The following IQCN variants were observed in gnomAD, a reference collection of about 807,000 sequenced individuals.
IQCN encodes the protein IQ domain-containing protein N.
Under a neutral mutation model 64.4 loss-of-function variants are expected in IQCN, and 46 were observed. The observed-to-expected ratio is 0.71, with a 90% confidence interval of 0.56 to 0.91. The LOEUF (loss-of-function observed/expected upper bound fraction) is 0.91. Among genes scored for constraint, IQCN ranks in the 40% least tolerant of loss-of-function variants. IQCN has a pLI of 0.00. For synonymous variants in IQCN, 733 were observed against 775.6 expected (o/e 0.95, Z 0.91); for missense variants, 1,753 against 1,857.4 (o/e 0.94, Z 1.03).
At chr19:18,270,964 G>A (rs1276933258) in intron 1 of IQCN, among the ~76,000 whole-genome samples, 1 of 151,898 alleles carries the variant, frequency 6.6e-6, no homozygotes. Context: ...ACAAGGTCAG[G>A]AGTTCGAGAA....
chr19:18,269,415 T>C (rs1176963248), intron 2 of IQCN, 51 bp downstream of exon 2: 1 of 1,596,568 alleles, frequency 6.3e-7, no homozygotes, highest in Admixed American at 1.7e-5. Flanking sequence ...CAGAAGCCCC[T>C]CTCTTCAGGT....
Position 18,257,962 on chromosome 19 carries a change from C to T in IQCN, c.3322G>A (p.Ala1108Thr), listed in dbSNP as rs1468534146. Reference sequence around the variant, plus strand: ...GCGAGGATGCGGATCTCCTCTGCAGCCTGCATGGACACCATTGGCTCCCCG... The same window carrying T: ...GCGAGGATGCGGATCTCCTCTGCAGTCTGCATGGACACCATTGGCTCCCCG... ...RSGEPMVSMQ[A>T]AEEIRILAVI... Residue 1108 changes from alanine (A) to threonine (T), a missense_variant, in exon 4 of 4, where the codon GCT becomes ACT. By Grantham distance (58) the Ala-to-Thr change is moderately conservative. Coordinates refer to ENST00000392413, the MANE Select transcript of IQCN (RefSeq NM_001145304.2). The T allele has an allele frequency of 1.8e-5, 29 of 1,612,902 alleles. No individual in the cohort carries two copies. The highest frequency in any genetic ancestry group is 2.3e-5 in the Non-Finnish European group (27 of 1,179,936).
At position 18,266,884 on chromosome 19, in the gene IQCN, G is replaced by A; in HGVS notation, c.656C>T (p.Thr219Ile). Reference protein sequence around the residue: ...PLLQPPAAQGTPEPCVQGPHA... With the variant: ...PLLQPPAAQGIPEPCVQGPHA... ...AGGACCCTGCACACAGGGCTCTGGG[G>A]TACCCTGAGCTGCTGGGGGCTGCAG... Residue 219 changes from threonine (T) to isoleucine (I), a missense_variant, in exon 3 of 4, where the codon ACC becomes ATC. Thr to Ile is a moderately conservative substitution (Grantham distance 89). Transcript: ENST00000392413. This position sits in a 1 kb window ranked among gnomAD's most constrained non-coding sequence, Gnocchi z 4.3. 1.2e-6 allele frequency: 2 copies of A among 1,610,702 alleles called. No individual in the cohort carries two copies. Among genetic ancestry groups the A allele is most frequent in the South Asian group, 1.1e-5 (1 of 90,800 alleles).
rs376741227 is a variant in IQCN at position 18,269,401 on chromosome 19, T to C, written c.13+65A>G. The C allele has an allele frequency of 5.8e-6, 9 of 1,546,102 alleles. No individual in the cohort carries two copies. In the African/African-American group the frequency reaches 1.1e-4, roughly 19 times the overall value. On this transcript the variant is annotated intron_variant, in intron 2 of 3. Transcript: ENST00000392413. ...ATAGCCTGGAGCACAGCACACTTGTTTGGCAGAAGCCCCTCTCTTCAGGTT... is the reference window on the plus strand; with the variant it reads ...ATAGCCTGGAGCACAGCACACTTGTCTGGCAGAAGCCCCTCTCTTCAGGTT...
rs1969343004 is a variant in IQCN, at chr19:18,257,908, C to A, written c.3376G>T (p.Gly1126Cys). The change falls in exon 4 of 4, where the codon GGC becomes TGC. Residue 1126 changes from glycine (G) to cysteine (C), a missense_variant. Physicochemically the swap from Gly to Cys is radical, Grantham distance 159. Coordinates refer to ENST00000392413, the MANE Select transcript of IQCN (RefSeq NM_001145304.2). The stretch of plus-strand genomic sequence containing the variant: ...CGGATCCTGCGACGCGCCAGGTAGC[C>A]ACGGACGCCCGCCTGGATAGTGATC... ...AVITIQAGVR[G>C]YLARRRIRLW... The A allele has an allele frequency of 6.2e-7, 1 of 1,612,674 alleles. No individual in the cohort carries two copies. The highest frequency in any genetic ancestry group is 1.1e-5 in the South Asian group (1 of 91,082).
chr19:18,258,455 A>C, intron 3 of IQCN: 2 of 540,704 alleles, frequency 3.7e-6, no homozygotes, highest in Non-Finnish European at 7.1e-6. Context: ...CAATCCTACC[A>C]TGCACGGATC....
intron 1 of IQCN, among the ~76,000 whole-genome samples, 158 bp downstream of exon 1, chr19:18,274,245 C>T (rs922961382): frequency 2.0e-5 from 3 of 152,060 alleles, no homozygotes; most frequent in Admixed American, 1.3e-4. Context: ...TGCAGTCACC[C>T]AGAAGGCCCA....
At position 18,264,372 on chromosome 19, in the gene IQCN, C is replaced by A; in HGVS notation, c.3168G>T (p.Gln1056His). The A allele has an allele frequency of 6.7e-7, 1 of 1,487,430 alleles. No homozygotes were observed. The highest frequency in any genetic ancestry group is 8.9e-7 in the Non-Finnish European group (1 of 1,117,330). The allele number at this position is 1,487,430 out of a possible 1,614,324, so 92.1% of individuals were successfully genotyped here. Residue 1056 changes from glutamine (Q) to histidine (H), a missense_variant, in exon 3 of 4, where the codon CAG (glutamine) becomes CAT (histidine). Coordinates refer to ENST00000392413, the MANE Select transcript of IQCN (RefSeq NM_001145304.2). This position sits in a 1 kb window ranked among gnomAD's most constrained non-coding sequence, Gnocchi z 4.3. The stretch of plus-strand genomic sequence containing the variant: ...CCTGGGAATCCCTGACCTTGCTGGT[C>A]TGTGGTCTCACGGGGCCCAGGGAGG... ...WGPSLGPVRP[Q>H]TSKGPADAGV...
chr19:18,267,719 G>A (rs899650079), intron 2 of IQCN, 193 bp from the exon 3 acceptor site: 35 of 529,276 alleles, frequency 6.6e-5, no homozygotes, highest in Non-Finnish European at 9.7e-5. Flanking sequence ...ATCACCCTAC[G>A]GCCACTTCAT....
In IQCN at chr19:18,264,522, C is replaced by A; in HGVS notation, c.3018G>T (p.Arg1006=). The part of the protein sequence containing the change: ...LGALLSQSWC[R]VALRTGTILP... ...GGATGGTTCCAGTCCTCAGGGCCAC[C>A]CGACACCAAGACTGGCTCAGGAGAG... is the stretch of plus-strand genomic sequence containing the variant. The change falls in exon 3 of 4, where the codon CGG becomes CGT. Residue 1006 remains arginine, a synonymous_variant. Coordinates refer to ENST00000392413, the MANE Select transcript of IQCN (RefSeq NM_001145304.2). This position sits in a 1 kb window ranked among gnomAD's most constrained non-coding sequence, Gnocchi z 4.3. The A allele has an allele frequency of 6.4e-7, 1 of 1,551,434 alleles. No homozygotes were observed. Among genetic ancestry groups the A allele is most frequent in the Non-Finnish European group, 8.7e-7 (1 of 1,146,952 alleles).
Position 18,257,608 on chromosome 19 carries a change from C to T in IQCN, c.3676G>A (p.Ala1226Thr), listed in dbSNP as rs1969326213. 1 of 1,612,810 alleles carries T rather than the reference C, an allele frequency of 6.2e-7. No homozygotes were observed. Among genetic ancestry groups the T allele is most frequent in the Non-Finnish European group, 8.5e-7 (1 of 1,179,934 alleles). Residue 1226 changes from alanine to threonine, a missense_variant, in exon 4 of 4, where the codon GCA becomes ACA. Coordinates refer to ENST00000392413, the MANE Select transcript of IQCN (RefSeq NM_001145304.2). ...SDHRCFQSCQ[A>T]HACSVCHSLS... ...GAGTGGCAGACGCTGCAAGCGTGTG[C>T]CTGGCAGGACTGGAAGCAGCGATGG...
rs1184015754 is a variant in IQCN at position 18,267,322 on chromosome 19, T to C, written c.218A>G (p.Lys73Arg). ...GCGTGGGACGCGGCGGGACGCCGTCTTGCCTTCGGCAGGCTGTTGCGGAAG... is the reference window on the plus strand; with the variant it reads ...GCGTGGGACGCGGCGGGACGCCGTCCTGCCTTCGGCAGGCTGTTGCGGAAG... ...EHLPQQPAEG[K>R]TASRRVPRLR... The change falls in exon 3 of 4, where the codon AAG (lysine) becomes AGG (arginine). Residue 73 changes from lysine (K) to arginine (R), a missense_variant. Lys to Arg is a conservative substitution (Grantham distance 26, BLOSUM62 2). Coordinates refer to ENST00000392413, the MANE Select transcript of IQCN (RefSeq NM_001145304.2). 1 of 1,614,110 alleles carries C rather than the reference T, an allele frequency of 6.2e-7. No homozygotes were observed. Among genetic ancestry groups the C allele is most frequent in the Non-Finnish European group, 8.5e-7 (1 of 1,180,054 alleles).
rs756697812 is a variant in IQCN at position 18,265,193 on chromosome 19, G to A, written c.2347C>T (p.His783Tyr). 1 of 1,610,834 alleles carries A rather than the reference G, an allele frequency of 6.2e-7. No individual in the cohort carries two copies. The highest frequency in any genetic ancestry group is 1.1e-5 in the South Asian group (1 of 91,088). ...VLLTGSKVSNHACQRLGGLSA... is the reference protein window; with the variant it reads ...VLLTGSKVSNYACQRLGGLSA... ...AGGCCACCGAGGCGCTGGCAGGCGTGGTTGGACACCTTGGACCCTGTTAGG... is the reference window on the plus strand; with the variant it reads ...AGGCCACCGAGGCGCTGGCAGGCGTAGTTGGACACCTTGGACCCTGTTAGG... The change falls in exon 3 of 4, where the codon CAC (histidine) becomes TAC (tyrosine). Residue 783 changes from histidine (H) to tyrosine (Y), a missense_variant. By Grantham distance (83) the His-to-Tyr change is moderately conservative (BLOSUM62 2). Coordinates refer to ENST00000392413, the MANE Select transcript of IQCN (RefSeq NM_001145304.2). The surrounding 1 kb of genome is among the most constrained non-coding windows in gnomAD (Gnocchi z 4.7).
Position 18,264,940 on chromosome 19 carries a change from G to A in IQCN, c.2600C>T (p.Pro867Leu). 1 of 1,612,172 alleles carries A rather than the reference G, an allele frequency of 6.2e-7. No homozygotes were observed. The highest frequency in any genetic ancestry group is 8.5e-7 in the Non-Finnish European group (1 of 1,180,016). Residue 867 changes from proline to leucine, a missense_variant, in exon 3 of 4, where the codon CCC becomes CTC. Pro to Leu is a moderately conservative substitution (Grantham distance 98, BLOSUM62 -3). Transcript: ENST00000392413. This position sits in a 1 kb window ranked among gnomAD's most constrained non-coding sequence, Gnocchi z 4.3. ...GGAGCCTACCGTGTCCTCCTGGCAG[G>A]GCACCGCCTGGCCGGGCATTGATGG... ...AQPSMPGQAV[P>L]CQEDTVGSLL...
rs368931841 is a variant in IQCN at position 18,257,735 on chromosome 19, C to A, written c.3549G>T (p.Trp1183Cys). Reference protein sequence around the residue: ...YSTRRDQARHWQMLHPVTWVE... With the variant: ...YSTRRDQARHCQMLHPVTWVE... ...CCCACGTGACGGGGTGGAGCATCTG[C>A]CAGTGCCGGGCTTGGTCCCGGCGGG... The change falls in exon 4 of 4, where the codon TGG becomes TGT. Residue 1183 changes from tryptophan (W) to cysteine (C), a missense_variant. Transcript: ENST00000392413. 14 of 1,610,516 alleles carry A rather than the reference C, an allele frequency of 8.7e-6. No homozygotes were observed. The African/African-American group carries it at 1.6e-4, about 18-fold the overall frequency.
Position 18,266,810 on chromosome 19 carries a change from T to C in IQCN, c.730A>G (p.Thr244Ala). 2 of 1,614,132 alleles carry C rather than the reference T, an allele frequency of 1.2e-6. No homozygotes were observed. The highest frequency in any genetic ancestry group is 1.7e-6 in the Non-Finnish European group (2 of 1,180,004). The stretch of plus-strand genomic sequence containing the variant: ...CTCACTGGGCAGGGAAATCTGATGG[T>C]GACCGTCTGGTGTGGCAGGAAGGCC... ...GLAFLPHQTV[T>A]IRFPCPVSLD... Residue 244 changes from threonine (T) to alanine (A), a missense_variant, in exon 3 of 4, where the codon ACC becomes GCC. By Grantham distance (58) the Thr-to-Ala change is moderately conservative (BLOSUM62 0). Coordinates refer to ENST00000392413, the MANE Select transcript of IQCN (RefSeq NM_001145304.2). This position sits in a 1 kb window ranked among gnomAD's most constrained non-coding sequence, Gnocchi z 4.3.
chr19:18,270,572 T>C (rs1238302860), intron 1 of IQCN, among the ~76,000 whole-genome samples: 1 of 151,848 alleles, frequency 6.6e-6, no homozygotes, highest in African/African-American at 2.4e-5. Context: ...GACAGGAGGA[T>C]CATTTGAGGC....
In IQCN at chr19:18,266,464, A is replaced by G. The variant is rs3746186; in HGVS notation, c.1076T>C (p.Met359Thr). Residue 359 changes from methionine (M) to threonine (T), a missense_variant, in exon 3 of 4, where the codon ATG (methionine) becomes ACG (threonine). Coordinates refer to ENST00000392413, the MANE Select transcript of IQCN (RefSeq NM_001145304.2). This position sits in a 1 kb window ranked among gnomAD's most constrained non-coding sequence, Gnocchi z 4.3. ...GCTAGTCTTGGGTGGGGTGGTGGTCATCGTGGACGCTGGATATGTCTGTGG... is the reference window on the plus strand; with the variant it reads ...GCTAGTCTTGGGTGGGGTGGTGGTCGTCGTGGACGCTGGATATGTCTGTGG... ...TLPQTYPAST[M>T]TTTPPKTSPV... 0.45 allele frequency: 708,197 copies of G among 1,581,074 alleles called. 162,588 individuals carry two copies. Among genetic ancestry groups the G allele is most frequent in the African/African-American group, 0.68 (49,817 of 73,500 alleles).
rs547631483 is a variant in IQCN at position 18,259,651 on chromosome 19, G to A, written c.3178-1545C>T. On this transcript the variant is annotated intron_variant, in intron 3 of 3. Transcript: ENST00000392413. ...CCAGCCCTGCTCTTCAGAGAGTCCT[G>A]CGGAATCACATCTCTCTGCTGGTAA... is the stretch of plus-strand genomic sequence containing the variant. 10 of 152,426 alleles carry A rather than the reference G, an allele frequency of 6.6e-5. No individual in the cohort carries two copies. In the East Asian group the frequency reaches 1.9e-3, roughly 29 times the overall value. The allele number at this position is 152,426 out of a possible 1,614,324, so 9.4% of individuals were successfully genotyped here. A position where few individuals can be genotyped will look rare whatever the true frequency, so the allele number is the denominator to read the frequency against.
Sources: allele counts gnomAD v4.1 joint callset (sites outside exome capture counted in the v4.1 genomes callset), GRCh38; gene constraint gnomAD v4.1.1; non-coding constraint Gnocchi (gnomAD v3.1); transcripts MANE v1.5; gene names NCBI Gene and HGNC (gene_info 2026-07-23, HGNC 2026-07-21).